The following IGFL4 variants were observed in gnomAD, a reference collection of about 807,000 sequenced individuals.
IGFL4 encodes IGF like family member 4.
A neutral mutation model predicts 15.4 loss-of-function variants in IGFL4; 12 were observed. That is an observed-to-expected ratio of 0.78 (90% confidence interval 0.50 to 1.26). The LOEUF (loss-of-function observed/expected upper bound fraction) is 1.26. Among genes scored for constraint, IGFL4 ranks in the 50% most tolerant of loss-of-function variants. The pLI is 0.00. For synonymous variants in IGFL4, 54 were observed against 55.9 expected, an observed-to-expected ratio of 0.97 and a Z score of 0.16; for missense variants, 126 against 147.8, an observed-to-expected ratio of 0.85 and a Z score of 0.76.
chr19:46,063,987 G>T (rs150873030), intron 1 of IGFL4, among the ~76,000 whole-genome samples: 3 of 151,422 alleles, frequency 2.0e-5, no homozygotes, highest in Admixed American at 6.6e-5. Flanking sequence ...CAGGAGAATC[G>T]CTTGAACCCG....
intron 1 of IGFL4, among the ~76,000 whole-genome samples, chr19:46,065,501 G>A (rs1327818415): frequency 6.6e-6 from 1 of 152,196 alleles, no homozygotes; most frequent in African/African-American, 2.4e-5. Flanking sequence ...TAGAGACGGG[G>A]TTTCAACGTG....
intron 1 of IGFL4, among the ~76,000 whole-genome samples, chr19:46,074,983 G>T (rs185913466): frequency 6.5e-4 from 99 of 152,332 alleles, no homozygotes; most frequent in African/African-American, 2.4e-3. Flanking sequence ...GGTAAGCCCA[G>T]ATTGAAGAGG....
intron 1 of IGFL4, among the ~76,000 whole-genome samples, chr19:46,063,986 C>T (rs1295237650): frequency 2.6e-5 from 4 of 151,558 alleles, no homozygotes; most frequent in Admixed American, 2.0e-4. Flanking sequence ...ACAGGAGAAT[C>T]GCTTGAACCC....
intron 2 of IGFL4, among the ~76,000 whole-genome samples, chr19:46,053,941 A>G (rs748249565): frequency 9.2e-5 from 14 of 152,060 alleles, no homozygotes; most frequent in Non-Finnish European, 4.4e-5. Context: ...GTCTGTTCAG[A>G]TCATTTGCCC....
chr19:46,073,711 G>C (rs1969567905), intron 1 of IGFL4, among the ~76,000 whole-genome samples: 1 of 152,096 alleles, frequency 6.6e-6, no homozygotes, highest in Non-Finnish European at 1.5e-5. Flanking sequence ...GATCATTCTC[G>C]AGAACTTGGC....
At chr19:46,050,076 C>A (rs1368381914) in intron 2 of IGFL4, among the ~76,000 whole-genome samples, 1 of 152,198 alleles carries the variant, frequency 6.6e-6, no homozygotes, top group Non-Finnish European at 1.5e-5. Context: ...ACAATCACTG[C>A]AGTTCAGCTC....
intron 2 of IGFL4, among the ~76,000 whole-genome samples, chr19:46,048,585 C>A (rs1165243337): frequency 5.3e-5 from 8 of 152,118 alleles, no homozygotes; most frequent in African/African-American, 1.9e-4. Flanking sequence ...GATACCAAAT[C>A]AATGAGCAAA....
chr19:46,052,906 A>G (rs1413148718), intron 2 of IGFL4, among the ~76,000 whole-genome samples: 2 of 130,984 alleles, frequency 1.5e-5, no homozygotes, highest in African/African-American at 5.9e-5. Context: ...ACTCTGTATC[A>G]GCAAACATCC....
chr19:46,055,696 A>G (rs1403153764), intron 2 of IGFL4, among the ~76,000 whole-genome samples: 3 of 152,360 alleles, frequency 2.0e-5, no homozygotes, highest in African/African-American at 7.2e-5. Flanking sequence ...AGAATCATAG[A>G]TATTTACACT....
chr19:46,052,331 T>C (rs1047468460), intron 2 of IGFL4, among the ~76,000 whole-genome samples: 2 of 152,014 alleles, frequency 1.3e-5, no homozygotes, highest in African/African-American at 4.8e-5. Flanking sequence ...GGAAATCAAC[T>C]CCAAAAGGAA....
intron 1 of IGFL4, among the ~76,000 whole-genome samples, chr19:46,069,603 A>T (rs1438539740): frequency 6.6e-6 from 1 of 152,192 alleles, no homozygotes; most frequent in East Asian, 1.9e-4. Context: ...AAGCCCTAAA[A>T]GCCCACAGAT....
upstream of IGFL4, among the ~76,000 whole-genome samples, chr19:46,045,685 C>T (rs573039935): frequency 1.3e-5 from 2 of 151,812 alleles, no homozygotes; most frequent in South Asian, 2.1e-4. Flanking sequence ...GCTTAAAGAC[C>T]GTCCTTCTGA....
rs945507977 is a variant in IGFL4 at position 46,077,020 on chromosome 19, C to T, written c.-432G>A. 5 of 152,196 alleles carry T rather than the reference C, an allele frequency of 3.3e-5. No individual in the cohort carries two copies. Among genetic ancestry groups the T allele is most frequent in the Non-Finnish European group, 7.3e-5 (5 of 68,040 alleles). 9.4% of individuals were successfully genotyped at this position (152,196 alleles called of 1,614,324 possible). A position where few individuals can be genotyped will look rare whatever the true frequency, so the allele number is the denominator to read the frequency against. ...GACACAAATGCTGAGGATCTCTCACCTGAGCATCCCTCGATGAGGGCTGTT... is the reference window on the plus strand; with the variant it reads ...GACACAAATGCTGAGGATCTCTCACTTGAGCATCCCTCGATGAGGGCTGTT... On this transcript the variant is annotated splice_region_variant and 5_prime_UTR_variant, in exon 1 of 6. Transcript: ENST00000601672. This position sits in a 1 kb window ranked among gnomAD's most constrained non-coding sequence, Gnocchi z 5.4.
At chr19:46,073,058 G>T (rs966890083) in intron 1 of IGFL4, among the ~76,000 whole-genome samples, 2 of 152,194 alleles carry the variant, frequency 1.3e-5, no homozygotes, top group Non-Finnish European at 2.9e-5. Flanking sequence ...AAGTGGACAG[G>T]AGGGGACTAC....
At chr19:46,053,235 G>C (rs1349335864) in intron 2 of IGFL4, among the ~76,000 whole-genome samples, 4 of 152,154 alleles carry the variant, frequency 2.6e-5, no homozygotes, top group African/African-American at 9.7e-5. Flanking sequence ...TTTTGTTTGA[G>C]ACGTTGTCTC....
intron 2 of IGFL4, among the ~76,000 whole-genome samples, chr19:46,052,198 G>A (rs1186712770): frequency 6.6e-6 from 1 of 152,034 alleles, no homozygotes; most frequent in Non-Finnish European, 1.5e-5. Flanking sequence ...ATTCAGCACA[G>A]GGAACGTTCA....
At chr19:46,052,966 G>C (rs200591916) in intron 2 of IGFL4, among the ~76,000 whole-genome samples, 1 of 112,438 alleles carries the variant, frequency 8.9e-6, no homozygotes, top group East Asian at 2.8e-4. Context: ...AGTCAGAAAA[G>C]AAAAAAAAAA....
chr19:46,040,382 C>T lies in IGFL4; in HGVS notation c.105G>A (p.Arg35=). The change falls in exon 3 of 4, where the codon AGG becomes AGA. Residue 35 remains arginine (R), a synonymous_variant. Transcript: ENST00000377697. The surrounding 1 kb of genome is among the most constrained non-coding windows in gnomAD (Gnocchi z 4.1). The part of the protein sequence containing the change: ...LRLWLCQPAP[R]CGEWTYNPLE... Reference sequence around the variant, plus strand: ...AGGGGTTGTAGGTCCACTCCCCGCACCTGGGCGCTGGCTGGCATAGCCACA... The same window carrying T: ...AGGGGTTGTAGGTCCACTCCCCGCATCTGGGCGCTGGCTGGCATAGCCACA... The T allele has an allele frequency of 6.2e-7, 1 of 1,614,214 alleles. No homozygotes were observed. Among genetic ancestry groups the T allele is most frequent in the Non-Finnish European group, 8.5e-7 (1 of 1,180,042 alleles).
At chr19:46,064,701 A>G (rs896408135) in intron 1 of IGFL4, among the ~76,000 whole-genome samples, 11 of 152,198 alleles carry the variant, frequency 7.2e-5, no homozygotes, top group Admixed American at 3.3e-4. Context: ...TAAGTACCCC[A>G]TAGATACTTA....
Sources: allele counts gnomAD v4.1 joint callset (sites outside exome capture counted in the v4.1 genomes callset), GRCh38; gene constraint gnomAD v4.1.1; non-coding constraint Gnocchi (gnomAD v3.1); transcripts MANE v1.5; gene names NCBI Gene and HGNC (gene_info 2026-07-23, HGNC 2026-07-21).